Variants in ABCA5 observed in about 807,000 individuals in gnomAD.
ABCA5 encodes ATP binding cassette subfamily A member 5.
A neutral mutation model predicts 206.0 loss-of-function variants in ABCA5; 163 were observed. That is an observed-to-expected ratio of 0.79 (90% CI 0.70 to 0.90). The LOEUF is 0.90. Among genes scored for constraint, ABCA5 ranks in the 40% least tolerant of loss-of-function variants. ABCA5 has a pLI of 0.00. For missense variants in ABCA5, 1,859 were observed against 1,912.9 expected (o/e 0.97, Z 0.53); for synonymous variants, 609 against 613.8 (o/e 0.99, Z 0.11).
Position 69,261,706 on chromosome 17 carries a change from T to A in ABCA5, c.3358A>T (p.Thr1120Ser). 1 of 1,513,668 alleles carries A rather than the reference T, an allele frequency of 6.6e-7. No individual in the cohort carries two copies. The highest frequency in any genetic ancestry group is 2.4e-5 in the Admixed American group (1 of 42,366). 93.8% of individuals were successfully genotyped at this position (1,513,668 alleles called of 1,614,324 possible). ...IGYVPSVILF[T>S]YIASFTFKKI... ...TTAAAGGTGAAAGAAGCAATATAAG[T>A]GAACAGAATAACTGATGGAACATAA... is the stretch of plus-strand genomic sequence containing the variant. The change falls in exon 25 of 39, where the codon ACT becomes TCT. Residue 1120 changes from threonine (T) to serine (S), a missense_variant. Coordinates refer to ENST00000392676, the MANE Select transcript of ABCA5 (RefSeq NM_172232.4).
In ABCA5 at chr17:69,291,229, G is replaced by A; in HGVS notation, c.1593C>T (p.Cys531=). The part of the protein sequence containing the change: ...STLMNILCGL[C]PPSDGFASIY... Reference sequence around the variant, plus strand: ...CAGAAAACTCACCATCAGAAGGTGGGCAGAGTCCACAAAGAATATTCATCA... The same window carrying A: ...CAGAAAACTCACCATCAGAAGGTGGACAGAGTCCACAAAGAATATTCATCA... Residue 531 remains cysteine (C), a synonymous_variant, in exon 12 of 39, where the codon TGC becomes TGT. Coordinates refer to ENST00000392676, the MANE Select transcript of ABCA5 (RefSeq NM_172232.4). The A allele has an allele frequency of 3.1e-6, 5 of 1,594,464 alleles. No homozygotes were observed. The highest frequency in any genetic ancestry group is 4.3e-6 in the Non-Finnish European group (5 of 1,168,752).
rs763254895 is a variant in ABCA5 at position 69,309,427 on chromosome 17, T to C, written c.308-4A>G. The C allele has an allele frequency of 6.6e-7, 1 of 1,526,690 alleles. No homozygotes were observed. Among genetic ancestry groups the C allele is most frequent in the Non-Finnish European group, 8.8e-7 (1 of 1,132,276 alleles). 94.6% of individuals were successfully genotyped at this position (1,526,690 alleles called of 1,614,324 possible). A position where few individuals can be genotyped will look rare whatever the true frequency, so the allele number is the denominator to read the frequency against. On this transcript the variant is annotated splice_polypyrimidine_tract_variant and splice_region_variant and intron_variant, in intron 3 of 38. Transcript: ENST00000392676. ...GTATATTCTTCAGTAATTATGACTGTAAGATATCATAACAATATAGTTAGC... is the reference window on the plus strand; with the variant it reads ...GTATATTCTTCAGTAATTATGACTGCAAGATATCATAACAATATAGTTAGC...
chr17:69,255,524 A>G lies in ABCA5; in HGVS notation c.4068+19T>C. 1.4e-6 allele frequency: 2 copies of G among 1,425,638 alleles called. No individual in the cohort carries two copies. The highest frequency in any genetic ancestry group is 1.9e-6 in the Non-Finnish European group (2 of 1,063,544). 88.3% of individuals were successfully genotyped at this position (1,425,638 alleles called of 1,614,324 possible). A position where few individuals can be genotyped will look rare whatever the true frequency, so the allele number is the denominator to read the frequency against. ...ATATAAATCACATTCAACATATCCT[A>G]TACTCTTATATATCATACCTGGCCT... On this transcript the variant is annotated intron_variant, in intron 31 of 38. Coordinates refer to ENST00000392676, the MANE Select transcript of ABCA5 (RefSeq NM_172232.4).
intron 1 of ABCA5, among the ~76,000 whole-genome samples, chr17:69,319,890 G>A (rs898931877): frequency 6.6e-6 from 1 of 152,134 alleles, no homozygotes; most frequent in Non-Finnish European, 1.5e-5. Context: ...AGTAGTATAG[G>A]TTAAGAGTAT....
Position 69,248,276 on chromosome 17 carries a change from C to A in ABCA5, c.4807G>T (p.Ala1603Ser). 6.4e-7 allele frequency: 1 copy of A among 1,558,174 alleles called. No homozygotes were observed. Among genetic ancestry groups the A allele is most frequent in the Admixed American group, 1.7e-5 (1 of 58,416 alleles). ...CTTTATAGTACCTGTTCCAATGTTGCTTGAGAAAAGCTATATTCTTCAATG... is the reference window on the plus strand; with the variant it reads ...CTTTATAGTACCTGTTCCAATGTTGATTGAGAAAAGCTATATTCTTCAATG... The part of the protein sequence containing the change: ...FAIEEYSFSQ[A>S]TLEQVFVELT... The change falls in exon 38 of 39, where the codon GCA becomes TCA. Residue 1603 changes from alanine (A) to serine (S), a missense_variant. By Grantham distance (99) the Ala-to-Ser change is moderately conservative. Coordinates refer to ENST00000392676, the MANE Select transcript of ABCA5 (RefSeq NM_172232.4).
chr17:69,248,159 T>A lies in ABCA5; in HGVS notation c.4821+103A>T, dbSNP rs1432064656. 3 of 646,176 alleles carry A rather than the reference T, an allele frequency of 4.6e-6. No individual in the cohort carries two copies. In the Admixed American group the frequency reaches 8.9e-5, roughly 19 times the overall value. The allele number at this position is 646,176 out of a possible 1,614,324, so 40.0% of individuals were successfully genotyped here. A position where few individuals can be genotyped will look rare whatever the true frequency, so the allele number is the denominator to read the frequency against. On this transcript the variant is annotated intron_variant, in intron 38 of 38. Transcript: ENST00000392676. ...TTTAAGATCATTCTGTACCAATTTG[T>A]CACTGGTTTACGATATCTCTCCCTC...
At chr17:69,262,060 G>C (rs1025898063) in intron 24 of ABCA5, among the ~76,000 whole-genome samples, 8 of 151,950 alleles carry the variant, frequency 5.3e-5, no homozygotes, top group African/African-American at 1.9e-4. Flanking sequence ...AGGTCATTAT[G>C]ATCTCTGACA....
In ABCA5 at chr17:69,292,660, T is replaced by C. The variant is rs182073594; in HGVS notation, c.1496-1334A>G. The stretch of plus-strand genomic sequence containing the variant: ...TATTACAATTATAATTATACTTAAC[T>C]AGTTGTACCAATAACTTACATTGGA... On this transcript the variant is annotated intron_variant, in intron 11 of 38. Coordinates refer to ENST00000392676, the MANE Select transcript of ABCA5 (RefSeq NM_172232.4). Among the ~76,000 whole-genome samples the C allele has an allele frequency of 2.6e-4, 39 of 152,304 alleles. No homozygotes were observed. The East Asian group carries it at 6.6e-3, about 26-fold the overall frequency.
chr17:69,301,295 T>C lies in ABCA5; in HGVS notation c.1120-9A>G, dbSNP rs374859968. 6 of 1,582,820 alleles carry C rather than the reference T, an allele frequency of 3.8e-6. No homozygotes were observed. The African/African-American group carries it at 5.5e-5, about 15-fold the overall frequency. ...TCTTCTAAATGCATGACCTGAAAAA[T>C]ACAAACACTAACTTTATTACATAAA... On this transcript the variant is annotated splice_polypyrimidine_tract_variant and intron_variant, in intron 8 of 38. Transcript: ENST00000392676.
chr17:69,272,369 G>A (rs2075282795), intron 20 of ABCA5, among the ~76,000 whole-genome samples: 1 of 151,932 alleles, frequency 6.6e-6, no homozygotes, highest in Non-Finnish European at 1.5e-5. Flanking sequence ...ACACACACAA[G>A]GCTTAGGAAA....
intron 5 of ABCA5, among the ~76,000 whole-genome samples, chr17:69,307,306 G>C (rs1434426623): frequency 6.6e-6 from 1 of 151,894 alleles, no homozygotes; most frequent in Non-Finnish European, 1.5e-5. Flanking sequence ...AGGAATTTAG[G>C]AGTGATTATT....
At chr17:69,255,071 G>A (rs1276056648) in intron 31 of ABCA5, among the ~76,000 whole-genome samples, 1 of 152,162 alleles carries the variant, frequency 6.6e-6, no homozygotes, top group Non-Finnish European at 1.5e-5. Flanking sequence ...CCAAAGAAAA[G>A]AGTATGCCTG....
chr17:69,254,194 A>C lies in ABCA5; in HGVS notation c.4244+121T>G, dbSNP rs967774139. 19 of 795,608 alleles carry C rather than the reference A, an allele frequency of 2.4e-5. No homozygotes were observed. The South Asian group carries it at 4.0e-4, about 17-fold the overall frequency. The allele number at this position is 795,608 out of a possible 1,614,324, so 49.3% of individuals were successfully genotyped here. Reference sequence around the variant, plus strand: ...ATATATCATAAAGAATATATGAAAAAGTAATAAACATTTTCTATAAAAATC... The same window carrying C: ...ATATATCATAAAGAATATATGAAAACGTAATAAACATTTTCTATAAAAATC... On this transcript the variant is annotated intron_variant, in intron 32 of 38. Transcript: ENST00000392676.
rs147123123 is a variant in ABCA5, at chr17:69,288,719, GAAGAAAGAAAGAAAGA to G, written c.1902+442_1902+457del. On this transcript the variant is annotated intron_variant, in intron 14 of 38. Transcript: ENST00000392676. ...CGTCTCTACAAATTAAAAAAAAAAA[GAAGAAAGAAAGAAAGA>G]AAGAAAGAAAGAAAGAAAACATGGC... Among the ~76,000 whole-genome samples, 8 of 145,268 alleles carry G rather than the reference GAAGAAAGAAAGAAAGA, an allele frequency of 5.5e-5. 1 individual carries two copies. In the South Asian group the frequency reaches 8.8e-4, roughly 16 times the overall value.
chr17:69,308,256 T>A, intron 5 of ABCA5, 24 bp downstream of exon 5: 1 of 1,442,918 alleles, frequency 6.9e-7, no homozygotes, highest in South Asian at 1.2e-5. Context: ...ATAGTTTTTG[T>A]ATTTCTTCCT....
At chr17:69,315,423 T>C (rs1387154878) in intron 1 of ABCA5, 3 of 152,190 alleles carry the variant, frequency 2.0e-5, no homozygotes, top group Admixed American at 6.5e-5. Context: ...ATATCAACAT[T>C]TTCTGTAGGT....
At chr17:69,316,358 T>C (rs774326161) in intron 1 of ABCA5, among the ~76,000 whole-genome samples, 7 of 151,474 alleles carry the variant, frequency 4.6e-5, no homozygotes, top group Non-Finnish European at 1.0e-4. Flanking sequence ...CCAGGTGTGG[T>C]GGTGGGCGCC....
intron 23 of ABCA5, among the ~76,000 whole-genome samples, chr17:69,265,738 GAC>G (rs1248128106): frequency 2.0e-5 from 3 of 152,096 alleles, no homozygotes; most frequent in Non-Finnish European, 4.4e-5. Context: ...GAGAACATGA[GAC>G]ACATGTAAAT....
Position 69,244,893 on chromosome 17 carries a change from G to A in ABCA5, c.*2644C>T, listed in dbSNP as rs1481490926. On this transcript the variant is annotated 3_prime_UTR_variant, in exon 39 of 39. Transcript: ENST00000392676. ...AGTTAGTTATATAAAATAATAGCTA[G>A]TTATATAAGTTATATAAGTAATATA... 1 of 148,108 alleles carries A rather than the reference G, an allele frequency of 6.8e-6. No individual in the cohort carries two copies. The highest frequency in any genetic ancestry group is 2.4e-5 in the African/African-American group (1 of 40,822). The allele number at this position is 148,108 out of a possible 1,614,324, so 9.2% of individuals were successfully genotyped here.
Sources: allele counts gnomAD v4.1 joint callset (sites outside exome capture counted in the v4.1 genomes callset), GRCh38; gene constraint gnomAD v4.1.1; transcripts MANE v1.5; gene names NCBI Gene and HGNC (gene_info 2026-07-23, HGNC 2026-07-21).